The following VPS13C variants were observed in gnomAD, a reference collection of about 807,000 sequenced individuals.
VPS13C encodes the protein vacuolar protein sorting 13 homolog C, also known as intermembrane lipid transfer protein VPS13C.
In VPS13C, 358 loss-of-function variants were observed where a neutral mutation model predicts 456.8. The observed-to-expected ratio is 0.78, with a 90% CI of 0.72 to 0.86. The LOEUF is 0.86. Among genes scored for constraint, VPS13C ranks in the 40% least tolerant of loss-of-function variants. VPS13C has a pLI of 0.00. For synonymous variants in VPS13C, 1,578 were observed against 1,486.7 expected, an observed-to-expected ratio of 1.06 and a Z score of -1.41; for missense variants, 4,818 against 4,385.4, an observed-to-expected ratio of 1.10 and a Z score of -2.79.
intron 19 of VPS13C, 33 bp from the exon 20 acceptor site, chr15:61,984,045 G>C: frequency 1.3e-6 from 2 of 1,583,490 alleles, no homozygotes; most frequent in Admixed American, 1.8e-5. Flanking sequence ...GAAAGATGCA[G>C]ACAAGGTCTT....
At chr15:62,037,327 TATACATTTATATATA>T (rs2048072891) in intron 3 of VPS13C, among the ~76,000 whole-genome samples, 3 of 88,418 alleles carry the variant, frequency 3.4e-5, no homozygotes, top group Non-Finnish European at 6.3e-5. Flanking sequence ...TTATATATTA[TATACATTTATATATA>T]ATATATTATA....
intron 50 of VPS13C, 100 bp from the exon 51 acceptor site, chr15:61,929,848 G>C (rs2043996832): frequency 1.7e-6 from 2 of 1,203,186 alleles, no homozygotes; most frequent in Non-Finnish European, 2.3e-6. Flanking sequence ...TCACCTTTCA[G>C]TTTCTAATCT....
At chr15:61,943,749 G>C (rs2044511015) in intron 45 of VPS13C, among the ~76,000 whole-genome samples, 1 of 151,722 alleles carries the variant, frequency 6.6e-6, no homozygotes, top group Non-Finnish European at 1.5e-5. Flanking sequence ...TTATGACTAA[G>C]TGCTTAAAAG....
chr15:62,028,493 A>G (rs1285064286), intron 5 of VPS13C, 73 bp from the exon 6 acceptor site: 3 of 1,409,992 alleles, frequency 2.1e-6, no homozygotes, highest in South Asian at 2.4e-5. Context: ...CATGTAAAAT[A>G]TACCTAAATT....
intron 24 of VPS13C, among the ~76,000 whole-genome samples, chr15:61,974,619 C>G (rs1490162748): frequency 2.0e-5 from 3 of 152,034 alleles, no homozygotes; most frequent in Non-Finnish European, 4.4e-5. Context: ...TCAACATATC[C>G]CTCTTAAGTA....
intron 1 of VPS13C, among the ~76,000 whole-genome samples, chr15:62,054,381 T>A (rs533359142): frequency 5.9e-5 from 9 of 152,280 alleles, no homozygotes; most frequent in South Asian, 4.2e-4. Context: ...AGGTTTTTTT[T>A]AAAAGAAATT....
intron 82 of VPS13C, among the ~76,000 whole-genome samples, chr15:61,862,611 T>C (rs899742302): frequency 1.3e-5 from 2 of 152,180 alleles, no homozygotes; most frequent in African/African-American, 4.8e-5. Flanking sequence ...AAATAAGTGA[T>C]TACTTGTCAA....
Position 62,020,544 on chromosome 15 carries a change from AAAG to A in VPS13C, c.625-9_625-7del, listed in dbSNP as rs1182560106. 6.2e-7 allele frequency: 1 copy of A among 1,610,944 alleles called. No individual in the cohort carries two copies. The highest frequency in any genetic ancestry group is 2.2e-5 in the East Asian group (1 of 44,792). On this transcript the variant is annotated splice_polypyrimidine_tract_variant and splice_region_variant and intron_variant, in intron 8 of 84. Coordinates refer to ENST00000644861, the MANE Select transcript of VPS13C (RefSeq NM_020821.3). ...GGCCGCTTTGGATCAGTGACCTACCAAAGAAGAAAAGATAACAGTAAAATATGC... is the reference window on the plus strand; with the variant it reads ...GGCCGCTTTGGATCAGTGACCTACCAAAGAAAAGATAACAGTAAAATATGC...
chr15:62,013,143 T>C (rs775852115), intron 10 of VPS13C, 24 bp from the exon 11 acceptor site: 2 of 1,544,144 alleles, frequency 1.3e-6, no homozygotes, highest in Admixed American at 1.8e-5. Context: ...ATGAAAGAGA[T>C]CAGGCAATCA....
intron 18 of VPS13C, among the ~76,000 whole-genome samples, chr15:61,989,876 C>T (rs2046170673): frequency 6.6e-6 from 1 of 152,146 alleles, no homozygotes; most frequent in Non-Finnish European, 1.5e-5. Flanking sequence ...ATTTAATATG[C>T]TCATATCCTA....
At chr15:61,907,236 T>C (rs748556831) in intron 66 of VPS13C, 28 bp downstream of exon 66, 2 of 1,612,868 alleles carry the variant, frequency 1.2e-6, no homozygotes, top group South Asian at 1.1e-5. Flanking sequence ...AGGTAACTCA[T>C]ATAGCACTCA....
chr15:62,015,986 T>C (rs935702602), intron 9 of VPS13C, among the ~76,000 whole-genome samples: 10 of 106,402 alleles, frequency 9.4e-5, no homozygotes, highest in Non-Finnish European at 2.0e-4. Flanking sequence ...AAAAAAAAAC[T>C]AGTTTCCTTC....
At chr15:61,954,622 TTA>T in intron 37 of VPS13C, 68 bp from the exon 38 acceptor site, 1 of 1,455,600 alleles carries the variant, frequency 6.9e-7, no homozygotes, top group South Asian at 1.4e-5. Context: ...TATTGTGGAC[TTA>T]TATGAGTATT....
At chr15:61,898,113 G>T (rs1227536111) in intron 66 of VPS13C, among the ~76,000 whole-genome samples, 1 of 151,956 alleles carries the variant, frequency 6.6e-6, no homozygotes, top group East Asian at 1.9e-4. Context: ...CGCTAAACAT[G>T]GAAAGGAAGA....
chr15:61,913,511 G>T, intron 61 of VPS13C, 96 bp from the exon 62 acceptor site: 1 of 1,027,378 alleles, frequency 9.7e-7, no homozygotes, highest in Non-Finnish European at 1.5e-6. Context: ...AATTTCTTTA[G>T]TACCGTGGGA....
Position 61,873,228 on chromosome 15 carries a change from AT to A in VPS13C, c.10578+17del. 1 of 1,612,130 alleles carries A rather than the reference AT, an allele frequency of 6.2e-7. No homozygotes were observed. Among genetic ancestry groups the A allele is most frequent in the East Asian group, 2.2e-5 (1 of 44,860 alleles). ...TTTTTAAGTTGCAGATTTCTTAAAG[AT>A]TCAGCAAAGAACTTACTCGCAGAAA... On this transcript the variant is annotated intron_variant, in intron 78 of 84. Coordinates refer to ENST00000644861, the MANE Select transcript of VPS13C (RefSeq NM_020821.3).
intron 39 of VPS13C, 138 bp from the exon 40 acceptor site, chr15:61,951,162 A>T: frequency 1.9e-6 from 1 of 533,398 alleles, no homozygotes. Flanking sequence ...TATGTTCTGT[A>T]TAAATCTTAC....
intron 73 of VPS13C, chr15:61,879,347 T>A (rs1436988903): frequency 1.3e-5 from 2 of 152,168 alleles, no homozygotes; most frequent in Non-Finnish European, 2.9e-5. Context: ...TGTCATTTCC[T>A]AGGCATATTA....
At chr15:61,902,092 T>A (rs1168014691) in intron 66 of VPS13C, among the ~76,000 whole-genome samples, 2 of 123,072 alleles carry the variant, frequency 1.6e-5, no homozygotes, top group Non-Finnish European at 1.6e-5. Flanking sequence ...AAGGGGAACA[T>A]CACACTCTGG....
Sources: gnomAD v4.1 joint callset for allele counts (sites outside exome capture counted in the v4.1 genomes callset) on GRCh38, gnomAD v4.1.1 for gene constraint, MANE v1.5 for transcripts, NCBI Gene and HGNC (gene_info 2026-07-23, HGNC 2026-07-21) for gene names.